Variants in TENM2 observed in about 807,000 individuals in gnomAD.
TENM2 encodes the protein teneurin transmembrane protein 2.
TENM2 carries 52 observed loss-of-function variants against 245.2 expected under a neutral mutation model. That is an observed-to-expected ratio of 0.21 (90% CI 0.17 to 0.27). The LOEUF (loss-of-function observed/expected upper bound fraction) is 0.27. TENM2 is among the 10% of genes least tolerant of loss of function. The pLI, the probability that TENM2 is intolerant of heterozygous loss-of-function variation, is 1.00. For missense variants in TENM2, 3,046 were observed against 3,666.8 expected (o/e 0.83, Z 4.37); for synonymous variants, 1,363 against 1,438.9 (o/e 0.95, Z 1.19).
At chr5:168,236,783 A>G (rs896449588) in intron 25 of TENM2, among the ~76,000 whole-genome samples, 4 of 150,144 alleles carry the variant, frequency 2.7e-5, no homozygotes, top group Non-Finnish European at 5.9e-5. Context: ...GAATGAAAGA[A>G]TGAATGAATG....
intron 5 of TENM2, among the ~76,000 whole-genome samples, chr5:168,033,453 ATT>A (rs926512057): frequency 1.3e-5 from 2 of 151,202 alleles, no homozygotes; most frequent in Non-Finnish European, 3.0e-5. Flanking sequence ...CTCAAAGGTG[ATT>A]TTTTTTTAAT....
chr5:167,233,307 T>A, the TENM2 span, among the ~76,000 whole-genome samples: 1 of 152,036 alleles, frequency 6.6e-6, no homozygotes, highest in South Asian at 2.1e-4. Context: ...GCCATATCAT[T>A]GTATGTGTAG....
chr5:167,746,985 C>T (rs2150623322), intron 2 of TENM2, among the ~76,000 whole-genome samples: 1 of 152,176 alleles, frequency 6.6e-6, no homozygotes, highest in East Asian at 1.9e-4. Flanking sequence ...CCCTGCCCTT[C>T]TGAAGCTTAC....
At chr5:167,832,943 A>C (rs62382854) in intron 2 of TENM2, among the ~76,000 whole-genome samples, 4,477 of 152,226 alleles carry the variant, frequency 0.029, 102 homozygotes, top group Middle Eastern at 0.051. Context: ...CTGCAGAGCC[A>C]ATTTCTAAGC....
intron 2 of TENM2, among the ~76,000 whole-genome samples, chr5:167,601,072 C>T (rs979894905): frequency 2.0e-5 from 3 of 152,138 alleles, no homozygotes; most frequent in Non-Finnish European, 2.9e-5. Flanking sequence ...AAGCCCTGCC[C>T]GTGTGAAGTT....
intron 2 of TENM2, among the ~76,000 whole-genome samples, chr5:167,403,239 A>G (rs1198768239): frequency 6.6e-6 from 1 of 151,904 alleles, no homozygotes; most frequent in Non-Finnish European, 1.5e-5. Context: ...CATTTGGGCC[A>G]TTTGTGACTT....
chr5:167,813,123 AC>A (rs1340981493), intron 2 of TENM2, among the ~76,000 whole-genome samples: 2 of 152,132 alleles, frequency 1.3e-5, no homozygotes, highest in Non-Finnish European at 1.5e-5. Context: ...TTTCCTGGCC[AC>A]CTTTGCTGGG....
intron 2 of TENM2, among the ~76,000 whole-genome samples, chr5:167,515,150 C>A (rs909771608): frequency 6.6e-6 from 1 of 152,144 alleles, no homozygotes; most frequent in Non-Finnish European, 1.5e-5. Flanking sequence ...ATACACAGTT[C>A]CTTTTTAATC....
Position 168,218,069 on chromosome 5 carries a change from T to C in TENM2, c.4234-56T>C. 6.4e-7 allele frequency: 1 copy of C among 1,560,056 alleles called. No individual in the cohort carries two copies. Among genetic ancestry groups the C allele is most frequent in the Non-Finnish European group, 8.7e-7 (1 of 1,147,770 alleles). On this transcript the variant is annotated intron_variant, in intron 22 of 28. Transcript: ENST00000518659. The surrounding 1 kb of genome is among the most constrained non-coding windows in gnomAD (Gnocchi z 5.2). ...TATAAAACCAGTAAGTGCCGTACGG[T>C]TAAACGTTGGACATATTAAAGGCTG...
the TENM2 span, among the ~76,000 whole-genome samples, chr5:167,130,888 CTTTTTTTTTTT>C: frequency 1.4e-5 from 1 of 73,358 alleles, no homozygotes; most frequent in Non-Finnish European, 2.4e-5. Flanking sequence ...GTGTTAAATG[CTTTTTTTTTTT>C]TTTTTTTTTT....
At chr5:167,102,677 G>A in the TENM2 span, among the ~76,000 whole-genome samples, 4 of 152,174 alleles carry the variant, frequency 2.6e-5, no homozygotes, top group Non-Finnish European at 4.4e-5. Context: ...ATTTTGTTTT[G>A]AGACATAGCC....
chr5:167,645,784 A>T (rs1397160256), intron 2 of TENM2, among the ~76,000 whole-genome samples: 1 of 152,058 alleles, frequency 6.6e-6, no homozygotes, highest in African/African-American at 2.4e-5. Flanking sequence ...CACAAAGGTT[A>T]TTTCTGAAGG....
At chr5:168,245,133 G>A (rs551656415) in intron 26 of TENM2, among the ~76,000 whole-genome samples, 2 of 149,810 alleles carry the variant, frequency 1.3e-5, no homozygotes, top group Non-Finnish European at 3.0e-5. Context: ...TCTTTACTTC[G>A]ACTCTACAAG....
chr5:167,245,728 G>A, the TENM2 span, among the ~76,000 whole-genome samples: 2 of 152,142 alleles, frequency 1.3e-5, no homozygotes, highest in African/African-American at 2.4e-5. Context: ...GGCAGGGAAA[G>A]TATTCTCAAT....
At chr5:167,710,423 A>C (rs574468787) in intron 2 of TENM2, among the ~76,000 whole-genome samples, 1 of 152,312 alleles carries the variant, frequency 6.6e-6, no homozygotes, top group African/African-American at 2.4e-5. Flanking sequence ...GGAGCACTTA[A>C]GTAACCTAGG....
chr5:167,062,542 G>A, the TENM2 span, among the ~76,000 whole-genome samples: 1 of 151,410 alleles, frequency 6.6e-6, no homozygotes, highest in African/African-American at 2.4e-5. Flanking sequence ...AAGAATCAAG[G>A]AATTATAAGT....
the TENM2 span, among the ~76,000 whole-genome samples, chr5:167,066,859 A>AT: frequency 6.6e-6 from 1 of 152,120 alleles, no homozygotes; most frequent in Non-Finnish European, 1.5e-5. Context: ...CAAAAATGGT[A>AT]TTTTGTATTC....
chr5:168,101,826 G>A (rs1793837188), intron 9 of TENM2, among the ~76,000 whole-genome samples: 1 of 140,028 alleles, frequency 7.1e-6, no homozygotes, highest in South Asian at 2.3e-4. Context: ...CTACCTTTTA[G>A]CCCTATAGAT....
At chr5:167,927,608 T>C (rs1446351777) in intron 3 of TENM2, among the ~76,000 whole-genome samples, 1 of 152,178 alleles carries the variant, frequency 6.6e-6, no homozygotes, top group African/African-American at 2.4e-5. Context: ...GGATGCCTCC[T>C]TGAGCAAGTG....
Sources: gnomAD v4.1 joint callset for allele counts (sites outside exome capture counted in the v4.1 genomes callset) on GRCh38, gnomAD v4.1.1 for gene constraint, Gnocchi (gnomAD v3.1) non-coding constraint, MANE v1.5 for transcripts, NCBI Gene and HGNC (gene_info 2026-07-23, HGNC 2026-07-21) for gene names.